The following ROBO4 variants were observed in gnomAD, a reference collection of about 807,000 sequenced individuals.
ROBO4 encodes roundabout homolog 4.
In ROBO4, 80 loss-of-function variants were observed where a neutral mutation model predicts 103.3. The ratio of observed to expected loss-of-function variants is 0.77; its 90% confidence interval spans 0.65 to 0.93. The LOEUF (loss-of-function observed/expected upper bound fraction) is 0.93. ROBO4 is among the 40% of genes least tolerant of loss of function. The probability of loss-of-function intolerance (pLI) is 0.00; values close to 1 mark genes in which losing one functional copy is unlikely to be tolerated. For missense variants in ROBO4, 1,333 were observed against 1,305.3 expected (o/e 1.02, Z -0.33); for synonymous variants, 504 against 529.7 (o/e 0.95, Z 0.67).
rs200073344 is a variant in ROBO4 at position 124,891,788 on chromosome 11, T to C, written c.1562A>G (p.Asp521Gly). ...AILKHRMDHSDSQWLADTWRS... is the reference protein window; with the variant it reads ...AILKHRMDHSGSQWLADTWRS... Reference sequence around the variant, plus strand: ...CCAAGTGTCTGCCAACCACTGGGAGTCACTGTGATCCATCCTGGGGCAGTG... The same window carrying C: ...CCAAGTGTCTGCCAACCACTGGGAGCCACTGTGATCCATCCTGGGGCAGTG... Residue 521 changes from aspartate to glycine, a missense_variant, in exon 11 of 18, where the codon GAC becomes GGC. Coordinates refer to ENST00000306534, the MANE Select transcript of ROBO4 (RefSeq NM_019055.6). The C allele has an allele frequency of 1.9e-6, 3 of 1,613,712 alleles. No individual in the cohort carries two copies. Among genetic ancestry groups the C allele is most frequent in the Non-Finnish European group, 2.5e-6 (3 of 1,179,968 alleles).
At position 124,895,397 on chromosome 11, in the gene ROBO4, C is replaced by G. The variant is rs762221938; in HGVS notation, c.1036+60G>C. The G allele has an allele frequency of 1.2e-4, 177 of 1,513,048 alleles. No individual in the cohort carries two copies. In the Middle Eastern group the frequency reaches 1.4e-3, roughly 12 times the overall value. The allele number at this position is 1,513,048 out of a possible 1,614,324, so 93.7% of individuals were successfully genotyped here. A position where few individuals can be genotyped will look rare whatever the true frequency, so the allele number is the denominator to read the frequency against. ...GACTGAAGCAGAACAGTCCAGGGGC[C>G]CCCAAATAAGAAGGAGCCAGAGGGG... On this transcript the variant is annotated intron_variant, in intron 6 of 17. Transcript: ENST00000306534.
rs1342050437 is a variant in ROBO4 at position 124,887,431 on chromosome 11, G to C, written c.2125C>G (p.Leu709Val). The C allele has an allele frequency of 1.2e-6, 2 of 1,614,082 alleles. No homozygotes were observed. The highest frequency in any genetic ancestry group is 1.3e-5 in the African/African-American group (1 of 75,020). The change falls in exon 14 of 18, where the codon CTG becomes GTG. Residue 709 changes from leucine (L) to valine (V), a missense_variant. Leu to Val is a conservative substitution (Grantham distance 32, BLOSUM62 1). Transcript: ENST00000306534. ...GCTGGAGGGAGATGACGAGTAACCA[G>C]CTCATTTGAGGAGCTGAGGAGTTTC... Reference protein sequence around the residue: ...GPKLLSSSNELVTRHLPPAPL... With the variant: ...GPKLLSSSNEVVTRHLPPAPL...
chr11:124,890,513 T>G (rs1460510318), intron 12 of ROBO4, among the ~76,000 whole-genome samples: 1 of 152,198 alleles, frequency 6.6e-6, no homozygotes, highest in Non-Finnish European at 1.5e-5. Flanking sequence ...AGGCAGACTA[T>G]CCTGCCTTCA....
chr11:124,896,885 C>A lies in ROBO4; in HGVS notation c.400+47G>T, dbSNP rs370410259. On this transcript the variant is annotated intron_variant, in intron 2 of 17. Transcript: ENST00000306534. ...TCCCTTGAACATTCAGCTCAGATGTCTCCACCCAGGTTTGCCCCACCCTGA... is the reference window on the plus strand; with the variant it reads ...TCCCTTGAACATTCAGCTCAGATGTATCCACCCAGGTTTGCCCCACCCTGA... 25 of 1,582,872 alleles carry A rather than the reference C, an allele frequency of 1.6e-5. No individual in the cohort carries two copies. In the East Asian group the frequency reaches 2.7e-4, roughly 17 times the overall value.
rs569884046 is a variant in ROBO4, at chr11:124,883,919, C to T, written c.*972G>A. On this transcript the variant is annotated 3_prime_UTR_variant, in exon 18 of 18. Coordinates refer to ENST00000306534, the MANE Select transcript of ROBO4 (RefSeq NM_019055.6). ...TTCCCCACAGCCAATCACCCTTCCC[C>T]ATGCCTTAGACCATCCCACTTCCCT... is the stretch of plus-strand genomic sequence containing the variant. 3 of 152,296 alleles carry T rather than the reference C, an allele frequency of 2.0e-5. No individual in the cohort carries two copies. Among genetic ancestry groups the T allele is most frequent in the Admixed American group, 2.0e-4 (3 of 15,292 alleles). The allele number at this position is 152,296 out of a possible 1,614,324, so 9.4% of individuals were successfully genotyped here.
In ROBO4 at chr11:124,887,431, G is replaced by A. The variant is rs1342050437; in HGVS notation, c.2125C>T (p.Leu709=). The A allele has an allele frequency of 6.2e-7, 1 of 1,613,964 alleles. No homozygotes were observed. The highest frequency in any genetic ancestry group is 8.5e-7 in the Non-Finnish European group (1 of 1,179,986). Residue 709 remains leucine, a synonymous_variant, in exon 14 of 18, where the codon CTG becomes TTG. Coordinates refer to ENST00000306534, the MANE Select transcript of ROBO4 (RefSeq NM_019055.6). ...GPKLLSSSNE[L]VTRHLPPAPL... ...GCTGGAGGGAGATGACGAGTAACCA[G>A]CTCATTTGAGGAGCTGAGGAGTTTC...
chr11:124,886,170 A>G (rs1272606725), intron 16 of ROBO4, among the ~76,000 whole-genome samples: 1 of 152,230 alleles, frequency 6.6e-6, no homozygotes, highest in Non-Finnish European at 1.5e-5. Flanking sequence ...GCAAACAAAC[A>G]AAACAAAAAC....
chr11:124,884,904 A>C lies in ROBO4; in HGVS notation c.3011T>G (p.Val1004Gly). The C allele has an allele frequency of 6.2e-7, 1 of 1,614,198 alleles. No individual in the cohort carries two copies. Among genetic ancestry groups the C allele is most frequent in the East Asian group, 2.2e-5 (1 of 44,882 alleles). Residue 1004 changes from valine to glycine, a missense_variant, in exon 18 of 18, where the codon GTA (valine) becomes GGA (glycine). Transcript: ENST00000306534. ...CRMPKAGASP[V>G]DYS ...CAGGGACACGGTTCAGGAGTAATCT[A>C]CAGGAGAAGCTGAAGGACAGTGGAG...
intron 10 of ROBO4, among the ~76,000 whole-genome samples, chr11:124,893,355 A>G (rs1162664960): frequency 6.6e-6 from 1 of 152,244 alleles, no homozygotes; most frequent in African/African-American, 2.4e-5. Flanking sequence ...TTGGTAGACC[A>G]TGGGTGCACG....
rs2135365991 is a variant in ROBO4 at position 124,887,009 on chromosome 11, G to A, written c.2403C>T (p.Cys801=). 4 of 1,613,540 alleles carry A rather than the reference G, an allele frequency of 2.5e-6. No individual in the cohort carries two copies. The East Asian group carries it at 8.9e-5, about 36-fold the overall frequency. Reference sequence around the variant, plus strand: ...TCTCCTCACCCTCACTGAGTTCCAAGCACAGGGCTACCTCCTCAGGGGTCA... The same window carrying A: ...TCTCCTCACCCTCACTGAGTTCCAAACACAGGGCTACCTCCTCAGGGGTCA... The part of the protein sequence containing the change: ...SVLTPEEVAL[C]LELSEGEETP... The change falls in exon 15 of 18, where the codon TGC becomes TGT. Residue 801 remains cysteine (C), a synonymous_variant. Coordinates refer to ENST00000306534, the MANE Select transcript of ROBO4 (RefSeq NM_019055.6).
At chr11:124,886,061 G>A (rs1946706127) in intron 16 of ROBO4, among the ~76,000 whole-genome samples, 2 of 152,166 alleles carry the variant, frequency 1.3e-5, no homozygotes, top group Non-Finnish European at 2.9e-5. Flanking sequence ...CATGGTGGTA[G>A]GTGCCTGTAA....
In ROBO4 at chr11:124,888,127, C is replaced by T. The variant is rs186174883; in HGVS notation, c.1949-287G>A. Among the ~76,000 whole-genome samples, 94 of 152,342 alleles carry T rather than the reference C, an allele frequency of 6.2e-4. 2 individuals are homozygous for T. Among genetic ancestry groups the T allele is most frequent in the Admixed American group, 5.6e-3 (86 of 15,298 alleles). ...CAGTTTCATGTGTAAACAACCACTT[C>T]GAATGATGGTCTTGACAATTAAGTA... On this transcript the variant is annotated intron_variant, in intron 12 of 17. Transcript: ENST00000306534.
At chr11:124,885,303 A>C in intron 16 of ROBO4, 56 bp from the exon 17 acceptor site, 2 of 1,449,198 alleles carry the variant, frequency 1.4e-6, no homozygotes, top group African/African-American at 1.4e-5. Flanking sequence ...CCTAGGGGCC[A>C]GTTTAGTACA....
intron 1 of ROBO4, among the ~76,000 whole-genome samples, 166 bp from the exon 2 acceptor site, chr11:124,897,427 C>A (rs1183911240): frequency 6.6e-6 from 1 of 152,088 alleles, no homozygotes; most frequent in African/African-American, 2.4e-5. Flanking sequence ...GGAGAGAGGG[C>A]CAGCATGCAC....
Position 124,894,046 on chromosome 11 carries a change from C to A in ROBO4, c.1319-1G>T. The A allele has an allele frequency of 6.5e-7, 1 of 1,546,020 alleles. No individual in the cohort carries two copies. Among genetic ancestry groups the A allele is most frequent in the South Asian group, 1.3e-5 (1 of 79,384 alleles). On this transcript the variant is annotated splice_acceptor_variant, in intron 8 of 17. Transcript: ENST00000306534. LOFTEE classifies it high-confidence loss of function. ...TGGGTGGCTCGCTCCATGGCCTGCT[C>A]TGTATGGGATGCAGAGCTCAGAGGG...
chr11:124,895,336 G>A (rs1434955942), intron 6 of ROBO4, 121 bp downstream of exon 6: 1 of 1,172,490 alleles, frequency 8.5e-7, no homozygotes. Context: ...CAGGGCAGAA[G>A]GGAGTCCCAG....
intron 1 of ROBO4, 167 bp downstream of exon 1, chr11:124,897,559 C>T (rs934027362): frequency 5.1e-5 from 31 of 613,564 alleles, no homozygotes; most frequent in Non-Finnish European, 8.6e-5. Flanking sequence ...CTGGTGTGTG[C>T]GCACATGCAC....
chr11:124,887,304 A>G, intron 14 of ROBO4, 54 bp downstream of exon 14: 1 of 1,608,730 alleles, frequency 6.2e-7, no homozygotes, highest in African/African-American at 1.3e-5. Context: ...CCCGGCACAC[A>G]CTCCCCACAC....
Position 124,886,563 on chromosome 11 carries a change from A to G in ROBO4, c.2695T>C (p.Ser899Pro), listed in dbSNP as rs1263284881. The change falls in exon 16 of 18, where the codon TCC becomes CCC. Residue 899 changes from serine to proline, a missense_variant. By Grantham distance (74) the Ser-to-Pro change is moderately conservative. Coordinates refer to ENST00000306534, the MANE Select transcript of ROBO4 (RefSeq NM_019055.6). ...RASLVSSSDG[S>P]FLADAHFARA... ...GCAAAGTGAGCATCAGCGAGGAAGG[A>G]GCCATCGGAGGAGCTGACAAGGCTG... 1.2e-6 allele frequency: 2 copies of G among 1,614,188 alleles called. No homozygotes were observed. The highest frequency in any genetic ancestry group is 1.7e-6 in the Non-Finnish European group (2 of 1,180,036).
Sources: allele counts gnomAD v4.1 joint callset (sites outside exome capture counted in the v4.1 genomes callset), GRCh38; gene constraint gnomAD v4.1.1; transcripts MANE v1.5; gene names NCBI Gene and HGNC (gene_info 2026-07-23, HGNC 2026-07-21).